The following DES variants were observed in gnomAD, a reference collection of about 807,000 sequenced individuals.
The protein encoded by DES is cardiomyopathy, dilated 1F (autosomal dominant).
In DES, 34 loss-of-function variants were observed where a neutral mutation model predicts 55.1. The observed-to-expected ratio is 0.62, with a 90% CI of 0.47 to 0.82. The LOEUF is 0.82. Ranked by LOEUF, DES falls within the 40% of genes least tolerant of loss-of-function variation. The probability of loss-of-function intolerance (pLI) is 0.00; values close to 1 mark genes in which losing one functional copy is unlikely to be tolerated. For synonymous variants in DES, 259 were observed against 270.8 expected, an observed-to-expected ratio of 0.96 and a Z score of 0.43; for missense variants, 596 against 645.9, an observed-to-expected ratio of 0.92 and a Z score of 0.84.
At chr2:219,423,686 G>A (rs1160061879) in intron 6 of DES, 91 bp from the exon 7 acceptor site, 4 of 1,270,398 alleles carry the variant, frequency 3.1e-6, no homozygotes, top group Admixed American at 1.7e-5. Context: ...TGATCCGCCC[G>A]CCTCGGCCTT....
intron 8 of DES, 46 bp from the exon 9 acceptor site, chr2:219,425,903 T>C: frequency 1.2e-6 from 2 of 1,613,394 alleles, no homozygotes; most frequent in Non-Finnish European, 1.7e-6. Flanking sequence ...TGAGGCTCCA[T>C]TCTCTGGCTA....
chr2:219,418,545 CCCCGCTGAGTTCGCCCGTGTT>C lies in DES; in HGVS notation c.89_109del (p.Leu30_Pro36del). 6.2e-7 allele frequency: 1 copy of C among 1,602,986 alleles called. No homozygotes were observed. The highest frequency in any genetic ancestry group is 8.5e-7 in the Non-Finnish European group (1 of 1,175,902). ...GGGGCCCCGGGCTTCCCACTCGGCT[CCCCGCTGAGTTCGCCCGTGTT>C]CCCGCGGGCGGGTTTCGGCTCTAAG... On this transcript the variant is annotated inframe_deletion, in exon 1 of 9. Coordinates refer to ENST00000373960, the MANE Select transcript of DES (RefSeq NM_001927.4).
chr2:219,420,680 G>C lies in DES; in HGVS notation c.897+24G>C. On this transcript the variant is annotated intron_variant, in intron 4 of 8. Coordinates refer to ENST00000373960, the MANE Select transcript of DES (RefSeq NM_001927.4). The surrounding 1 kb of genome is among the most constrained non-coding windows in gnomAD (Gnocchi z 6.0). ...AGGTGGGTGGCCTCGCCCGGGGACT[G>C]GCATCTCCGTCCCCCTGAATCCCAG... 6.2e-7 allele frequency: 1 copy of C among 1,614,026 alleles called. No individual in the cohort carries two copies. The highest frequency in any genetic ancestry group is 8.5e-7 in the Non-Finnish European group (1 of 1,180,014).
intron 7 of DES, 102 bp downstream of exon 7, chr2:219,423,922 T>C: frequency 7.6e-7 from 1 of 1,316,168 alleles, no homozygotes; most frequent in Non-Finnish European, 1.1e-6. Context: ...ACCCTGGGGC[T>C]AGGGACAGAC....
Position 219,420,100 on chromosome 2 carries a change from A to C in DES, c.584A>C (p.Gln195Pro), listed in dbSNP as rs761676074. 3 of 1,614,178 alleles carry C rather than the reference A, an allele frequency of 1.9e-6. No individual in the cohort carries two copies. The highest frequency in any genetic ancestry group is 4.5e-5 in the East Asian group (2 of 44,886). ...TTTCTGTCTGTCCCACCCAGGCTGC[A>C]GGAGGAGATTCAGTTGAAGGAAGAA... is the stretch of plus-strand genomic sequence containing the variant. ...DDLQRLKAKL[Q>P]EEIQLKEEAE... Residue 195 changes from glutamine (Q) to proline (P), a missense_variant, in exon 2 of 9, where the codon CAG becomes CCG. Physicochemically the swap from Gln to Pro is moderately conservative, Grantham distance 76. Coordinates refer to ENST00000373960, the MANE Select transcript of DES (RefSeq NM_001927.4). This position sits in a 1 kb window ranked among gnomAD's most constrained non-coding sequence, Gnocchi z 6.0.
At chr2:219,423,707 G>A (rs1320420349) in intron 6 of DES, 70 bp from the exon 7 acceptor site, 1 of 1,509,106 alleles carries the variant, frequency 6.6e-7, no homozygotes, top group African/African-American at 1.4e-5. Context: ...TCAAAGTGCT[G>A]GGATTACAGC....
Position 219,425,745 on chromosome 2 carries a change from G to C in DES, c.1371G>C (p.Glu457Asp). The change falls in exon 8 of 9, where the codon GAG becomes GAC. Residue 457 changes from glutamate (E) to aspartate (D), a missense_variant and splice_region_variant. Transcript: ENST00000373960. ...AGACCATCGAGACACGGGATGGGGA[G>C]GTAAGTGGTCTGTCTGGGCTCCTTA... ...MIKTIETRDGEVVSEATQQQH... is the reference protein window; with the variant it reads ...MIKTIETRDGDVVSEATQQQH... 1.2e-6 allele frequency: 2 copies of C among 1,605,662 alleles called. No homozygotes were observed. Among genetic ancestry groups the C allele is most frequent in the Non-Finnish European group, 1.7e-6 (2 of 1,176,136 alleles).
rs1449435594 is a variant in DES at position 219,418,664 on chromosome 2, T to A, written c.202T>A (p.Ser68Thr). Residue 68 changes from serine to threonine, a missense_variant, in exon 1 of 9, where the codon TCG becomes ACG. Physicochemically the swap from Ser to Thr is moderately conservative, Grantham distance 58 (BLOSUM62 1). Transcript: ENST00000373960. ...GTCGGGCGGGGCCGGGGGCCTGGGG[T>A]CGCTGCGGGCCAGCCGGCTGGGGAC... ...RTSGGAGGLGSLRASRLGTTR... is the reference protein window; with the variant it reads ...RTSGGAGGLGTLRASRLGTTR... 6.3e-7 allele frequency: 1 copy of A among 1,585,084 alleles called. No homozygotes were observed. The highest frequency in any genetic ancestry group is 1.1e-5 in the South Asian group (1 of 87,392).
In DES at chr2:219,420,587, C is replaced by T. The variant is rs1058261; in HGVS notation, c.828C>T (p.Asp276=). ...SKPDLTAALR[D]IRAQYETIAA... ...CAGACCTCACTGCCGCCCTCAGGGA[C>T]ATCCGGGCTCAGTATGAGACCATCG... Residue 276 remains aspartate, a synonymous_variant, in exon 4 of 9, where the codon GAC becomes GAT. Coordinates refer to ENST00000373960, the MANE Select transcript of DES (RefSeq NM_001927.4). This position sits in a 1 kb window ranked among gnomAD's most constrained non-coding sequence, Gnocchi z 6.0. 0.34 allele frequency: 554,787 copies of T among 1,613,578 alleles called. 97,279 individuals carry two copies. The highest frequency in any genetic ancestry group is 0.44 in the African/African-American group (32,873 of 74,848).
chr2:219,420,847 C>T lies in DES; in HGVS notation c.917C>T (p.Ala306Val), dbSNP rs1162112869. ...YKSKVSDLTQ[A>V]ANKNNDALRQ... is the part of the protein sequence containing the mutation. ...CCTTAGGTGTCAGACCTGACCCAGGCAGCCAACAAGAACAACGACGCCCTG... is the reference window on the plus strand; with the variant it reads ...CCTTAGGTGTCAGACCTGACCCAGGTAGCCAACAAGAACAACGACGCCCTG... Residue 306 changes from alanine (A) to valine (V), a missense_variant, in exon 5 of 9, where the codon GCA becomes GTA. Coordinates refer to ENST00000373960, the MANE Select transcript of DES (RefSeq NM_001927.4). This position sits in a 1 kb window ranked among gnomAD's most constrained non-coding sequence, Gnocchi z 6.0. 1.2e-6 allele frequency: 2 copies of T among 1,613,738 alleles called. No individual in the cohort carries two copies. Among genetic ancestry groups the T allele is most frequent in the South Asian group, 1.1e-5 (1 of 91,074 alleles).
chr2:219,424,116 A>C (rs1350696762), intron 7 of DES, among the ~76,000 whole-genome samples: 1 of 152,144 alleles, frequency 6.6e-6, no homozygotes, highest in African/African-American at 2.4e-5. Context: ...TGAATCCCAA[A>C]CTCTGAAAGC....
At position 219,418,639 on chromosome 2, in the gene DES, G is replaced by C. The variant is rs1402134166; in HGVS notation, c.177G>C (p.Thr59=). Residue 59 remains threonine, a synonymous_variant, in exon 1 of 9, where the codon ACG becomes ACC. Transcript: ENST00000373960. ...VTSRVYQVSR[T]SGGAGGLGSL... is the part of the protein sequence containing the mutation. ...CCCGCGTGTACCAGGTGTCGCGCAC[G>C]TCGGGCGGGGCCGGGGGCCTGGGGT... 1 of 1,598,382 alleles carries C rather than the reference G, an allele frequency of 6.3e-7. No individual in the cohort carries two copies. The highest frequency in any genetic ancestry group is 1.3e-5 in the African/African-American group (1 of 74,644).
At position 219,421,723 on chromosome 2, in the gene DES, A is replaced by G. The variant is rs191163207; in HGVS notation, c.1244+163A>G. On this transcript the variant is annotated intron_variant, in intron 6 of 8. Transcript: ENST00000373960. ...CTCTTGTCGCCCAGTCTGGAGTGCA[A>G]TGGCACCATCTTGGCTCACTGCAAC... 1.8e-3 allele frequency among the ~76,000 whole-genome samples: 267 copies of G among 151,920 alleles called. 1 individual carries two copies. The highest frequency in any genetic ancestry group is 5.7e-3 in the African/African-American group (236 of 41,406).
At chr2:219,422,116 C>CA (rs1259875141) in intron 6 of DES, among the ~76,000 whole-genome samples, 9 of 151,414 alleles carry the variant, frequency 5.9e-5, no homozygotes, top group South Asian at 4.2e-4. Flanking sequence ...GAACCAGCAG[C>CA]AAAAAAAACC....
chr2:219,421,031 A>G (rs1462081680), intron 5 of DES, 78 bp downstream of exon 5: 7 of 1,559,080 alleles, frequency 4.5e-6, no homozygotes, highest in Non-Finnish European at 6.1e-6. Context: ...CCTTGGGCCC[A>G]TCATAGATCC....
intron 6 of DES, among the ~76,000 whole-genome samples, chr2:219,422,923 T>A (rs1039750793): frequency 1.3e-5 from 2 of 152,184 alleles, no homozygotes; most frequent in Non-Finnish European, 2.9e-5. Context: ...TGGTACCCCT[T>A]GATACTCATA....
rs752188244 is a variant in DES, at chr2:219,420,446, G to A, written c.736-49G>A. The A allele has an allele frequency of 1.2e-6, 2 of 1,613,536 alleles. No individual in the cohort carries two copies. The highest frequency in any genetic ancestry group is 2.2e-5 in the East Asian group (1 of 44,856). On this transcript the variant is annotated intron_variant, in intron 3 of 8. Transcript: ENST00000373960. The surrounding 1 kb of genome is among the most constrained non-coding windows in gnomAD (Gnocchi z 6.0). ...TCTGGCTGGGAATAGGGGTGTGAGG[G>A]TGCTGTGTGGGCCCTGAGAGGGGAC...
chr2:219,420,918 T>A lies in DES; in HGVS notation c.988T>A (p.Ser330Thr). 1 of 1,613,546 alleles carries A rather than the reference T, an allele frequency of 6.2e-7. No individual in the cohort carries two copies. Among genetic ancestry groups the A allele is most frequent in the Admixed American group, 1.7e-5 (1 of 60,010 alleles). The change falls in exon 5 of 9, where the codon TCC becomes ACC. Residue 330 changes from serine (S) to threonine (T), a missense_variant. By Grantham distance (58) the Ser-to-Thr change is moderately conservative (BLOSUM62 1). Coordinates refer to ENST00000373960, the MANE Select transcript of DES (RefSeq NM_001927.4). This position sits in a 1 kb window ranked among gnomAD's most constrained non-coding sequence, Gnocchi z 6.0. ...GATGGAATACCGACACCAGATCCAG[T>A]CCTACACCTGCGAGATTGACGCCCT... ...EMMEYRHQIQ[S>T]YTCEIDALKG...
Position 219,419,019 on chromosome 2 carries a change from A to T in DES, c.557A>T (p.Asp186Val), listed in dbSNP as rs1226550858. 1.3e-6 allele frequency: 2 copies of T among 1,543,994 alleles called. No individual in the cohort carries two copies. The change falls in exon 1 of 9, where the codon GAC becomes GTC. Residue 186 changes from aspartate to valine, a missense_variant. Asp to Val is a radical substitution (Grantham distance 152). Transcript: ENST00000373960. The surrounding 1 kb of genome is among the most constrained non-coding windows in gnomAD (Gnocchi z 4.3). ...GTCGAGCGCGACAACCTGCTCGACG[A>T]CCTGCAGCGGCTCAAGGCCAAGTGA... ...VDVERDNLLD[D>V]LQRLKAKLQE...
Sources: allele counts gnomAD v4.1 joint callset (sites outside exome capture counted in the v4.1 genomes callset), GRCh38; gene constraint gnomAD v4.1.1; non-coding constraint Gnocchi (gnomAD v3.1); transcripts MANE v1.5; gene names NCBI Gene and HGNC (gene_info 2026-07-23, HGNC 2026-07-21).